The following GMDS variants were observed in gnomAD, a reference collection of about 807,000 sequenced individuals.
The protein encoded by GMDS is GDP-mannose 4,6 dehydratase.
Under a neutral mutation model 49.9 loss-of-function variants are expected in GMDS, and 20 were observed. That is an observed-to-expected ratio of 0.40 (90% CI 0.28 to 0.58). GMDS has a LOEUF of 0.58. Ranked by LOEUF, GMDS falls within the 20% of genes least tolerant of loss-of-function variation. The pLI, the probability that GMDS is intolerant of heterozygous loss-of-function variation, is 0.42. For synonymous variants in GMDS, 177 were observed against 178.6 expected (o/e 0.99, Z 0.07); for missense variants, 362 against 481.4 (o/e 0.75, Z 2.32).
chr6:2,100,663 A>C (rs1362043682), intron 4 of GMDS, among the ~76,000 whole-genome samples: 1 of 152,186 alleles, frequency 6.6e-6, no homozygotes, highest in African/African-American at 2.4e-5. Context: ...CAAAATCTAT[A>C]TCACTGACGA....
intron 4 of GMDS, among the ~76,000 whole-genome samples, chr6:1,978,041 C>T (rs1751251889): frequency 1.3e-5 from 2 of 152,246 alleles, no homozygotes; most frequent in Admixed American, 1.3e-4. Context: ...GGAATTCCAG[C>T]TGGCCACCAG....
At position 1,833,187 on chromosome 6, in the gene GMDS, A is replaced by G. The variant is rs1178539477; in HGVS notation, c.772-90601T>C. ...TGGAAGGGGGCAAAGGGTGGCATGG[A>G]CCCTCAGGCACATTAATCAGCAGGG... is the stretch of plus-strand genomic sequence containing the variant. On this transcript the variant is annotated intron_variant, in intron 7 of 10. Transcript: ENST00000380815. The surrounding 1 kb of genome is among the most constrained non-coding windows in gnomAD (Gnocchi z 4.4). 7.1e-6 allele frequency among the ~76,000 whole-genome samples: 1 copy of G among 140,964 alleles called. No individual in the cohort carries two copies. Among genetic ancestry groups the G allele is most frequent in the Non-Finnish European group, 1.5e-5 (1 of 66,158 alleles). The allele number at this position is 140,964 out of a possible 152,430, so 92.5% of individuals were successfully genotyped here. A position where few individuals can be genotyped will look rare whatever the true frequency, so the allele number is the denominator to read the frequency against.
intron 7 of GMDS, among the ~76,000 whole-genome samples, chr6:1,860,861 A>G (rs147651111): frequency 9.9e-5 from 15 of 152,262 alleles, no homozygotes; most frequent in African/African-American, 2.9e-4. Flanking sequence ...CACTGATGGG[A>G]AGGAGAGAGG....
At chr6:2,145,203 G>C (rs1776490730) in intron 1 of GMDS, among the ~76,000 whole-genome samples, 1 of 152,168 alleles carries the variant, frequency 6.6e-6, no homozygotes. Context: ...GAAACATTTA[G>C]TACCCAAAAC....
intron 7 of GMDS, among the ~76,000 whole-genome samples, chr6:1,762,632 T>A (rs1768203567): frequency 6.6e-6 from 1 of 152,228 alleles, no homozygotes. Flanking sequence ...GAAAGAGCAC[T>A]TTGAGGTGGT....
chr6:1,832,463 G>T (rs1001782367), intron 7 of GMDS, among the ~76,000 whole-genome samples: 1 of 152,066 alleles, frequency 6.6e-6, no homozygotes, highest in African/African-American at 2.4e-5. Flanking sequence ...CTCTGTGACT[G>T]GAGTGATGGC....
intron 9 of GMDS, among the ~76,000 whole-genome samples, chr6:1,678,191 G>GA (rs1322350474): frequency 7.9e-5 from 12 of 152,172 alleles, no homozygotes; most frequent in Admixed American, 3.9e-4. Flanking sequence ...CGAAGATCAG[G>GA]AAAAAATCCC....
At chr6:1,946,485 A>G (rs1332752507) in intron 6 of GMDS, among the ~76,000 whole-genome samples, 5 of 141,408 alleles carry the variant, frequency 3.5e-5, no homozygotes, top group Non-Finnish European at 7.6e-5. Context: ...TCAGAACTAA[A>G]TAAGTGTTAC....
chr6:1,742,025 G>A (rs968402265), intron 8 of GMDS, among the ~76,000 whole-genome samples: 3 of 151,016 alleles, frequency 2.0e-5, no homozygotes, highest in East Asian at 2.0e-4. Context: ...GGGTTCAAGC[G>A]GTTCTCTTTC....
chr6:1,674,497 C>A (rs904645630), intron 9 of GMDS, among the ~76,000 whole-genome samples: 3 of 147,532 alleles, frequency 2.0e-5, no homozygotes, highest in Non-Finnish European at 4.5e-5. Flanking sequence ...TTAACAGTGT[C>A]TTTCATGGAG....
intron 1 of GMDS, among the ~76,000 whole-genome samples, chr6:2,184,201 G>A (rs1010133016): frequency 1.3e-4 from 19 of 151,980 alleles, no homozygotes; most frequent in Non-Finnish European, 2.5e-4. Flanking sequence ...AACATCTCTC[G>A]CCTGACTACT....
intron 1 of GMDS, among the ~76,000 whole-genome samples, chr6:2,218,874 A>G (rs1016102386): frequency 1.3e-5 from 2 of 152,222 alleles, no homozygotes; most frequent in African/African-American, 4.8e-5. Flanking sequence ...AGGTTCCAAG[A>G]GCTAACCTAA....
chr6:1,996,656 A>G (rs1268073246), intron 4 of GMDS, among the ~76,000 whole-genome samples: 1 of 152,176 alleles, frequency 6.6e-6, no homozygotes, highest in Non-Finnish European at 1.5e-5. Context: ...CTGCCATCAC[A>G]TGCACCTTCC....
intron 4 of GMDS, among the ~76,000 whole-genome samples, chr6:2,018,053 C>T (rs1768018519): frequency 6.6e-6 from 1 of 152,064 alleles, no homozygotes; most frequent in Non-Finnish European, 1.5e-5. Context: ...TCTTCCTCAC[C>T]CTACTTGTCA....
chr6:1,884,010 A>G (rs1759485969), intron 7 of GMDS, among the ~76,000 whole-genome samples: 1 of 152,192 alleles, frequency 6.6e-6, no homozygotes, highest in Admixed American at 6.5e-5. Context: ...TTATTATACA[A>G]TTTTTAACTA....
intron 4 of GMDS, among the ~76,000 whole-genome samples, chr6:2,027,627 C>A (rs761677619): frequency 1.1e-4 from 17 of 151,864 alleles, no homozygotes; most frequent in Non-Finnish European, 2.4e-4. Flanking sequence ...CAGCTAAAGG[C>A]AAGGAAGATT....
At chr6:2,074,453 A>G (rs1051563143) in intron 4 of GMDS, among the ~76,000 whole-genome samples, 1 of 152,066 alleles carries the variant, frequency 6.6e-6, no homozygotes, top group Non-Finnish European at 1.5e-5. Context: ...TTTCCGCTCA[A>G]TAGGTTGTTT....
intron 4 of GMDS, among the ~76,000 whole-genome samples, chr6:2,009,304 C>CT (rs761236544): frequency 6.6e-6 from 1 of 152,174 alleles, no homozygotes; most frequent in Non-Finnish European, 1.5e-5. Flanking sequence ...ATTTAGGTGA[C>CT]TTTTTATACA....
At chr6:2,173,863 A>G (rs1401573386) in intron 1 of GMDS, among the ~76,000 whole-genome samples, 2 of 152,238 alleles carry the variant, frequency 1.3e-5, no homozygotes, top group Non-Finnish European at 2.9e-5. Flanking sequence ...ACCATTCCTC[A>G]AGCATCTGAG....
Sources: gnomAD v4.1 joint callset for allele counts (sites outside exome capture counted in the v4.1 genomes callset) on GRCh38, gnomAD v4.1.1 for gene constraint, Gnocchi (gnomAD v3.1) non-coding constraint, MANE v1.5 for transcripts, NCBI Gene and HGNC (gene_info 2026-07-23, HGNC 2026-07-21) for gene names.